The following ZNF789 variants were observed in gnomAD, a reference collection of about 807,000 sequenced individuals.
ZNF789 encodes zinc finger protein 789.
A neutral mutation model predicts 15.6 loss-of-function variants in ZNF789; 11 were observed. The ratio of observed to expected loss-of-function variants is 0.70; its 90% confidence interval spans 0.44 to 1.16. The LOEUF is 1.16. Ranked by LOEUF, ZNF789 falls within the 50% of genes most tolerant of loss-of-function variation. The pLI, the probability that ZNF789 is intolerant of heterozygous loss-of-function variation, is 0.00. For synonymous variants in ZNF789, 159 were observed against 176.0 expected (o/e 0.90, Z 0.76); for missense variants, 461 against 512.6 (o/e 0.90, Z 0.97).
In ZNF789 at chr7:99,487,402, C is replaced by T; in HGVS notation, c.1192C>T (p.Gln398Ter). Residue 398 changes from glutamine (Q) to a stop codon, truncating the protein, a stop_gained, in exon 5 of 5, where the codon CAA (glutamine) becomes TAA (stop). Transcript: ENST00000331410. LOFTEE classifies it low-confidence loss of function (END_TRUNC). ...QVIHTGSQPY[Q>*]CVICGKSFKW... The stretch of plus-strand genomic sequence containing the variant: ...CATTCACACTGGAAGCCAACCCTAC[C>T]AATGTGTCATATGTGGAAAATCTTT... The T allele has an allele frequency of 6.2e-7, 1 of 1,614,192 alleles. No homozygotes were observed. Among genetic ancestry groups the T allele is most frequent in the Non-Finnish European group, 8.5e-7 (1 of 1,180,026 alleles).
At chr7:99,479,468 G>A (rs373190791) in intron 2 of ZNF789, 193 bp from the exon 3 acceptor site, 10 of 487,586 alleles carry the variant, frequency 2.1e-5, no homozygotes, top group South Asian at 6.3e-5. Context: ...TGTCGACCCC[G>A]TGGTATGGAA....
chr7:99,485,333 G>GC (rs754635242), intron 4 of ZNF789: 1 of 975,904 alleles, frequency 1.0e-6, no homozygotes, highest in South Asian at 1.4e-5. Flanking sequence ...AGCAGCCCTG[G>GC]CCTGCATCCA....
At chr7:99,473,239 G>A (rs1799117324) in intron 1 of ZNF789, among the ~76,000 whole-genome samples, 183 bp downstream of exon 1, 1 of 152,216 alleles carries the variant, frequency 6.6e-6, no homozygotes, top group African/African-American at 2.4e-5. Context: ...AAAGTCCGAA[G>A]AATGAATGGA....
At chr7:99,478,186 A>T in intron 2 of ZNF789, 2 of 914,892 alleles carry the variant, frequency 2.2e-6, no homozygotes, top group African/African-American at 1.7e-5. Context: ...CCAAGAACCT[A>T]TTGTGGATGT....
chr7:99,480,891 C>CTGTGTGGG (rs1407231875), intron 3 of ZNF789: 1 of 152,182 alleles, frequency 6.6e-6, no homozygotes, highest in Admixed American at 6.5e-5. Flanking sequence ...GAGTCTTGAC[C>CTGTGTGGG]ACCTCTGTGG....
rs748196441 is a variant in ZNF789 at position 99,484,085 on chromosome 7, G to A, written c.207G>A (p.Gln69=). 2 of 1,614,008 alleles carry A rather than the reference G, an allele frequency of 1.2e-6. No homozygotes were observed. The highest frequency in any genetic ancestry group is 2.7e-5 in the African/African-American group (2 of 74,910). The change falls in exon 4 of 5, where the codon CAG becomes CAA. Residue 69 remains glutamine, a synonymous_variant. Coordinates refer to ENST00000331410, the MANE Select transcript of ZNF789 (RefSeq NM_213603.3). ...GTCAGCTGGAGAACTGGGACGAGCA[G>A]TGGATCCTGGATCTACCGAGAACTG... ...MICQLENWDE[Q]WILDLPRTGN... is the part of the protein sequence containing the mutation.
rs1012900472 is a variant in ZNF789, at chr7:99,472,904, A to C, written c.-207A>C. 4 of 152,362 alleles carry C rather than the reference A, an allele frequency of 2.6e-5. No homozygotes were observed. The highest frequency in any genetic ancestry group is 9.6e-5 in the African/African-American group (4 of 41,460). The allele number at this position is 152,362 out of a possible 1,614,324, so 9.4% of individuals were successfully genotyped here. A position where few individuals can be genotyped will look rare whatever the true frequency, so the allele number is the denominator to read the frequency against. On this transcript the variant is annotated 5_prime_UTR_variant, in exon 1 of 5. Transcript: ENST00000331410. Reference sequence around the variant, plus strand: ...CAGGTGGAGCCAGCGAGAGGCTCTGAGGCTGCCAGAGTGGTTGTGTCTGTT... The same window carrying C: ...CAGGTGGAGCCAGCGAGAGGCTCTGCGGCTGCCAGAGTGGTTGTGTCTGTT...
rs1369074093 is a variant in ZNF789, at chr7:99,483,756, G to C, written c.152-274G>C. 6 of 780,882 alleles carry C rather than the reference G, an allele frequency of 7.7e-6. No individual in the cohort carries two copies. In the African/African-American group the frequency reaches 8.5e-5, roughly 11 times the overall value. 48.4% of individuals were successfully genotyped at this position (780,882 alleles called of 1,614,324 possible). ...ATATTCAGTTTATTTCCAGTTTGAT[G>C]CTGCAATACCACTGTGCTGAACGTC... On this transcript the variant is annotated intron_variant, in intron 3 of 4. Coordinates refer to ENST00000331410, the MANE Select transcript of ZNF789 (RefSeq NM_213603.3).
At chr7:99,477,730 G>C (rs151127752) in intron 2 of ZNF789, among the ~76,000 whole-genome samples, 3,382 of 152,274 alleles carry the variant, frequency 0.022, 57 homozygotes, top group Non-Finnish European at 0.033. Context: ...TGGATTGCCT[G>C]AGGTCAGGAG....
Position 99,486,952 on chromosome 7 carries a change from A to C in ZNF789, c.742A>C (p.Lys248Gln). ...ACAGCGGTCAGCTCTTACGGTCCATAAACAGTGTCACCTGCAAAACAAGCC... is the reference window on the plus strand; with the variant it reads ...ACAGCGGTCAGCTCTTACGGTCCATCAACAGTGTCACCTGCAAAACAAGCC... ...FRQRSALTVH[K>Q]QCHLQNKPYR... Residue 248 changes from lysine (K) to glutamine (Q), a missense_variant, in exon 5 of 5, where the codon AAA becomes CAA. Transcript: ENST00000331410. 1 of 1,614,198 alleles carries C rather than the reference A, an allele frequency of 6.2e-7. No individual in the cohort carries two copies. The highest frequency in any genetic ancestry group is 8.5e-7 in the Non-Finnish European group (1 of 1,180,038).
At chr7:99,482,138 T>C (rs1799667670) in intron 3 of ZNF789, 1 of 779,564 alleles carries the variant, frequency 1.3e-6, no homozygotes, top group Admixed American at 1.7e-5. Context: ...TACGCTTGAT[T>C]TAATTGTTCC....
intron 3 of ZNF789, chr7:99,480,315 A>G: frequency 6.5e-6 from 1 of 153,496 alleles, no homozygotes; most frequent in African/African-American, 2.4e-5. Context: ...ACAGAGCGAG[A>G]CTCCGTCTCA....
intron 2 of ZNF789, among the ~76,000 whole-genome samples, chr7:99,477,714 G>C (rs565229771): frequency 3.9e-4 from 59 of 152,296 alleles, no homozygotes; most frequent in Non-Finnish European, 7.9e-4. Flanking sequence ...GGGAGGCTGA[G>C]GGGGGTGGAT....
At chr7:99,476,512 CA>C in intron 2 of ZNF789, 32 bp downstream of exon 2, 1 of 1,609,136 alleles carries the variant, frequency 6.2e-7, no homozygotes, top group Non-Finnish European at 8.5e-7. Flanking sequence ...GCTTCATCAG[CA>C]TAGTCACTGC....
At chr7:99,476,216 C>G (rs2151051732) in intron 1 of ZNF789, 187 bp from the exon 2 acceptor site, 1 of 517,532 alleles carries the variant, frequency 1.9e-6, no homozygotes, top group East Asian at 3.6e-5. Flanking sequence ...TTGGATGGAG[C>G]TTGGGAAATT....
Position 99,487,005 on chromosome 7 carries a change from T to A in ZNF789, c.795T>A (p.Cys265Ter). The A allele has an allele frequency of 6.2e-7, 1 of 1,614,082 alleles. No homozygotes were observed. The highest frequency in any genetic ancestry group is 2.2e-5 in the East Asian group (1 of 44,886). The stretch of plus-strand genomic sequence containing the variant: ...ACAGATGTCATGACTGTGGAAAGTG[T>A]TTTCGGCAGCTCGCGTATCTTGTTG... Reference protein sequence around the residue: ...KPYRCHDCGKCFRQLAYLVEH... With the variant: ...KPYRCHDCGK Residue 265 changes from cysteine to a stop codon, truncating the protein, a stop_gained, in exon 5 of 5, where the codon TGT (cysteine) becomes TGA (stop). Transcript: ENST00000331410. LOFTEE classifies it low-confidence loss of function (END_TRUNC).
chr7:99,479,798 G>T lies in ZNF789; in HGVS notation c.151+11G>T, dbSNP rs922557209. ...ACATGGTCTTGCTGGGTAGGACACG[G>T]CTTGAAGATTGGGCTTTGTCTGTGT... On this transcript the variant is annotated intron_variant, in intron 3 of 4. Transcript: ENST00000331410. 2.5e-6 allele frequency: 4 copies of T among 1,611,056 alleles called. No individual in the cohort carries two copies. The highest frequency in any genetic ancestry group is 1.7e-4 in the Middle Eastern group (1 of 6,044).
intron 2 of ZNF789, chr7:99,478,383 G>C: frequency 7.8e-7 from 1 of 1,287,786 alleles, no homozygotes; most frequent in Non-Finnish European, 1.0e-6. Flanking sequence ...AACCGTAGCA[G>C]TGGAACTCAG....
Position 99,487,591 on chromosome 7 carries a change from G to T in ZNF789, c.*103G>T, listed in dbSNP as rs1459100565. 3.6e-6 allele frequency: 5 copies of T among 1,397,718 alleles called. No homozygotes were observed. Among genetic ancestry groups the T allele is most frequent in the South Asian group, 1.4e-5 (1 of 69,332 alleles). The allele number at this position is 1,397,718 out of a possible 1,614,324, so 86.6% of individuals were successfully genotyped here. A position where few individuals can be genotyped will look rare whatever the true frequency, so the allele number is the denominator to read the frequency against. ...ATGAAAAGCAATAAATGTAACAAAG[G>T]GTTTTTCTATGGGAGCCATCTTTGT... is the stretch of plus-strand genomic sequence containing the variant. On this transcript the variant is annotated 3_prime_UTR_variant, in exon 5 of 5. Coordinates refer to ENST00000331410, the MANE Select transcript of ZNF789 (RefSeq NM_213603.3).
Sources: gnomAD v4.1 joint callset for allele counts (sites outside exome capture counted in the v4.1 genomes callset) on GRCh38, gnomAD v4.1.1 for gene constraint, MANE v1.5 for transcripts, NCBI Gene and HGNC (gene_info 2026-07-23, HGNC 2026-07-21) for gene names.